The following PRKG1 variants were observed in gnomAD, a reference collection of about 807,000 sequenced individuals.
PRKG1 encodes the protein protein kinase cGMP-dependent 1.
A neutral mutation model predicts 88.1 loss-of-function variants in PRKG1; 35 were observed. The observed-to-expected ratio is 0.40, with a 90% CI of 0.30 to 0.53. PRKG1 has a LOEUF of 0.53. Ranked by LOEUF, PRKG1 falls within the 20% of genes least tolerant of loss-of-function variation. The pLI is 0.59. For synonymous variants in PRKG1, 303 were observed against 292.5 expected (o/e 1.04, Z -0.37); for missense variants, 540 against 839.8 (o/e 0.64, Z 4.41).
intron 3 of PRKG1, among the ~76,000 whole-genome samples, chr10:51,660,748 C>G (rs1840277892): frequency 6.6e-6 from 1 of 151,972 alleles, no homozygotes; most frequent in African/African-American, 2.4e-5. Context: ...AATTGAACAC[C>G]TTTATGCCTG....
At chr10:51,093,578 T>G (rs549566874) in intron 1 of PRKG1, among the ~76,000 whole-genome samples, 2 of 151,794 alleles carry the variant, frequency 1.3e-5, no homozygotes, top group Middle Eastern at 6.8e-3. Flanking sequence ...AGGTCTAATA[T>G]TCTTTTGGTT....
chr10:52,096,709 T>C (rs1161759241), intron 7 of PRKG1, among the ~76,000 whole-genome samples: 1 of 152,162 alleles, frequency 6.6e-6, no homozygotes, highest in South Asian at 2.1e-4. Flanking sequence ...GTGTGTGTGT[T>C]TGTACATCTA....
At chr10:51,908,053 A>G (rs1842124197) in intron 5 of PRKG1, 1 of 152,630 alleles carries the variant, frequency 6.6e-6, no homozygotes, top group Non-Finnish European at 1.5e-5. Context: ...TGGTTTTGAG[A>G]AAGAGGAGAA....
intron 3 of PRKG1, among the ~76,000 whole-genome samples, chr10:51,575,310 T>C (rs969289310): frequency 6.6e-6 from 1 of 152,012 alleles, no homozygotes; most frequent in Non-Finnish European, 1.5e-5. Flanking sequence ...GATGGTAATA[T>C]ACTAGCGTAA....
chr10:51,604,487 C>T (rs1360127593), intron 3 of PRKG1, among the ~76,000 whole-genome samples: 1 of 152,132 alleles, frequency 6.6e-6, no homozygotes, highest in African/African-American at 2.4e-5. Flanking sequence ...TTTAAAGGCC[C>T]AAACCATATC....
intron 3 of PRKG1, among the ~76,000 whole-genome samples, chr10:51,736,260 T>TA (rs557766782): frequency 9.9e-5 from 15 of 151,996 alleles, no homozygotes; most frequent in African/African-American, 2.7e-4. Context: ...TTGGCTACTT[T>TA]AAAAAAATTA....
chr10:52,016,291 T>C (rs1402514778), intron 5 of PRKG1, among the ~76,000 whole-genome samples: 1 of 152,174 alleles, frequency 6.6e-6, no homozygotes, highest in Non-Finnish European at 1.5e-5. Context: ...CAAAGAGGAA[T>C]CAAGACGTTT....
In PRKG1 at chr10:51,345,019, C is replaced by T. The variant is rs900238645; in HGVS notation, c.479-122704C>T. Among the ~76,000 whole-genome samples the T allele has an allele frequency of 9.2e-4, 140 of 152,064 alleles. 1 individual carries two copies. Among genetic ancestry groups the T allele is most frequent in the Non-Finnish European group, 2.6e-4 (18 of 67,972 alleles). ...AGTTTGTTACAGACTAATAGGTGCA[C>T]TAATTAGTCTACCTCTCCAAGGTGA... On this transcript the variant is annotated intron_variant, in intron 2 of 17. Transcript: ENST00000373980.
intron 7 of PRKG1, among the ~76,000 whole-genome samples, chr10:52,106,523 A>G (rs1847426598): frequency 6.6e-6 from 1 of 152,052 alleles, no homozygotes; most frequent in Middle Eastern, 3.2e-3. Context: ...TTACTAGATC[A>G]TGTACTTTAG....
intron 3 of PRKG1, among the ~76,000 whole-genome samples, chr10:51,653,534 T>C (rs1840090644): frequency 6.6e-6 from 1 of 152,142 alleles, no homozygotes; most frequent in East Asian, 1.9e-4. Context: ...TCTGTTCAAG[T>C]CCTTTGCTTA....
intron 2 of PRKG1, among the ~76,000 whole-genome samples, chr10:51,346,865 C>G (rs1454453397): frequency 6.6e-6 from 1 of 152,196 alleles, no homozygotes; most frequent in Non-Finnish European, 1.5e-5. Context: ...GTGGGGCTCT[C>G]TTAAATTGAA....
intron 5 of PRKG1, among the ~76,000 whole-genome samples, chr10:52,053,494 G>A (rs1005243166): frequency 1.3e-5 from 2 of 152,120 alleles, no homozygotes; most frequent in African/African-American, 4.8e-5. Context: ...TTAGGAGTGT[G>A]CAAAATAATG....
chr10:52,199,144 A>G (rs1045088546), intron 9 of PRKG1, among the ~76,000 whole-genome samples: 2 of 152,076 alleles, frequency 1.3e-5, no homozygotes, highest in African/African-American at 4.8e-5. Flanking sequence ...TCCTAGGCTC[A>G]ATGTAGAGAG....
intron 5 of PRKG1, among the ~76,000 whole-genome samples, chr10:51,947,895 G>A (rs768949357): frequency 9.9e-5 from 15 of 152,074 alleles, no homozygotes; most frequent in East Asian, 1.9e-4. Flanking sequence ...CCAAAGAAAC[G>A]TGAAGGAAAA....
At chr10:51,029,609 C>G (rs557251528) in intron 1 of PRKG1, among the ~76,000 whole-genome samples, 4 of 152,234 alleles carry the variant, frequency 2.6e-5, no homozygotes, top group African/African-American at 7.2e-5. Flanking sequence ...AATAAAATAA[C>G]AGTAGACCTC....
At chr10:52,180,402 C>T (rs916596148) in intron 9 of PRKG1, among the ~76,000 whole-genome samples, 6 of 152,132 alleles carry the variant, frequency 3.9e-5, no homozygotes, top group African/African-American at 9.7e-5. Flanking sequence ...TTTCTTTGGA[C>T]ATTTTGAACG....
chr10:51,887,347 G>A (rs994824773), intron 4 of PRKG1, among the ~76,000 whole-genome samples: 10 of 152,048 alleles, frequency 6.6e-5, no homozygotes. Flanking sequence ...TCCATATCTT[G>A]GCTGTAGTCA....
chr10:51,771,443 G>A (rs1838302488), intron 3 of PRKG1, among the ~76,000 whole-genome samples: 2 of 152,148 alleles, frequency 1.3e-5, no homozygotes, highest in Admixed American at 6.5e-5. Flanking sequence ...TACTGGGATG[G>A]ACAGAGCACT....
intron 7 of PRKG1, among the ~76,000 whole-genome samples, chr10:52,070,896 C>A (rs963521708): frequency 7.2e-5 from 11 of 152,184 alleles, no homozygotes; most frequent in African/African-American, 2.7e-4. Flanking sequence ...TGGGTTCAAA[C>A]CCCAGCTCCA....
Sources: gnomAD v4.1 joint callset for allele counts (sites outside exome capture counted in the v4.1 genomes callset) on GRCh38, gnomAD v4.1.1 for gene constraint, MANE v1.5 for transcripts, NCBI Gene and HGNC (gene_info 2026-07-23, HGNC 2026-07-21) for gene names.